MTBP: variants seen among roughly 807,000 people sequenced by gnomAD.
MTBP encodes MDM2 binding protein, also known as mdm2-binding protein.
In MTBP, 101 loss-of-function variants were observed where a neutral mutation model predicts 117.0. The ratio of observed to expected loss-of-function variants is 0.86; its 90% confidence interval spans 0.73 to 1.02. MTBP has a LOEUF of 1.02. MTBP is among the 50% of genes least tolerant of loss of function. The pLI is 0.00. For synonymous variants in MTBP, 350 were observed against 351.5 expected (o/e 1.00, Z 0.05); for missense variants, 970 against 1,030.9 (o/e 0.94, Z 0.81).
At chr8:120,450,952 C>A (rs1259198429) in intron 2 of MTBP, 51 bp from the exon 3 acceptor site, 1 of 1,315,842 alleles carries the variant, frequency 7.6e-7, no homozygotes, top group Admixed American at 1.9e-5. Context: ...GCTGTGTCAT[C>A]TGCTTATTTA....
intron 10 of MTBP, 130 bp from the exon 11 acceptor site, chr8:120,470,690 G>T: frequency 1.7e-6 from 1 of 604,516 alleles, no homozygotes; most frequent in Non-Finnish European, 2.8e-6. Flanking sequence ...TTTTATAGTG[G>T]AGTTTTTGGG....
chr8:120,495,981 C>T (rs1814445859), intron 13 of MTBP, among the ~76,000 whole-genome samples: 3 of 151,938 alleles, frequency 2.0e-5, no homozygotes, highest in Admixed American at 2.0e-4. Flanking sequence ...ACATTTGAAC[C>T]AACTGAAAAA....
chr8:120,479,811 CAT>C lies in MTBP; in HGVS notation c.1166-8346_1166-8345del, dbSNP rs536742657. On this transcript the variant is annotated intron_variant, in intron 11 of 21. Transcript: ENST00000305949. ...TAACTGAATGAAAATAAAAACAAAA[CAT>C]AAAATGAATGGAACACAGCTAAAGC... Among the ~76,000 whole-genome samples, 827 of 152,068 alleles carry C rather than the reference CAT, an allele frequency of 5.4e-3. 6 individuals carry two copies. Among genetic ancestry groups the C allele is most frequent in the Non-Finnish European group, 6.9e-3 (472 of 67,948 alleles).
At chr8:120,491,090 A>G (rs1477174084) in intron 13 of MTBP, among the ~76,000 whole-genome samples, 1 of 151,904 alleles carries the variant, frequency 6.6e-6, no homozygotes, top group African/African-American at 2.4e-5. Context: ...ATAATTTCAC[A>G]TTTTTTCTCT....
chr8:120,490,427 C>A, intron 12 of MTBP, 36 bp from the exon 13 acceptor site: 1 of 1,340,664 alleles, frequency 7.5e-7, no homozygotes. Context: ...CAAAGGGCAT[C>A]ATTAATGTTG....
chr8:120,515,909 C>T lies in MTBP; in HGVS notation c.1980-16C>T, dbSNP rs751590472. ...TCATGGAGGTTTACATTTTAATGCT[C>T]TTTCACTCATTTTAGATATTGCTTG... On this transcript the variant is annotated splice_polypyrimidine_tract_variant and intron_variant, in intron 17 of 21. Transcript: ENST00000305949. The T allele has an allele frequency of 1.9e-6, 3 of 1,608,708 alleles. No individual in the cohort carries two copies. Among genetic ancestry groups the T allele is most frequent in the Admixed American group, 3.4e-5 (2 of 59,604 alleles).
chr8:120,496,416 C>G (rs1018196488), intron 13 of MTBP, among the ~76,000 whole-genome samples: 5 of 152,280 alleles, frequency 3.3e-5, no homozygotes, highest in Non-Finnish European at 7.4e-5. Flanking sequence ...ATGCTTACTT[C>G]TAAAGTAATA....
intron 10 of MTBP, among the ~76,000 whole-genome samples, chr8:120,464,235 G>T (rs1201862180): frequency 1.3e-5 from 2 of 151,748 alleles, no homozygotes; most frequent in African/African-American, 4.8e-5. Context: ...GAGATTTATG[G>T]CTACTTTAAC....
intron 13 of MTBP, among the ~76,000 whole-genome samples, chr8:120,494,245 C>CAGTACAG (rs1338037062): frequency 6.6e-6 from 1 of 152,190 alleles, no homozygotes; most frequent in African/African-American, 2.4e-5. Flanking sequence ...TCTAAGGACA[C>CAGTACAG]AGTACAGTGC....
Position 120,518,733 on chromosome 8 carries a change from G to C in MTBP, c.2526G>C (p.Leu842=). The part of the protein sequence containing the change: ...RILKEVVTET[L]KKHSITETHE... Reference sequence around the variant, plus strand: ...TGAAAGAAGTAGTTACTGAAACCCTGAAGAAACACAGTATTACCGAGACTC... The same window carrying C: ...TGAAAGAAGTAGTTACTGAAACCCTCAAGAAACACAGTATTACCGAGACTC... The change falls in exon 20 of 22, where the codon CTG becomes CTC. Residue 842 remains leucine, a synonymous_variant. Coordinates refer to ENST00000305949, the MANE Select transcript of MTBP (RefSeq NM_022045.5). The C allele has an allele frequency of 1.9e-6, 3 of 1,610,856 alleles. No individual in the cohort carries two copies. The highest frequency in any genetic ancestry group is 2.5e-6 in the Non-Finnish European group (3 of 1,178,226).
chr8:120,500,407 G>A (rs1814559102), intron 14 of MTBP, among the ~76,000 whole-genome samples: 1 of 151,902 alleles, frequency 6.6e-6, no homozygotes, highest in Non-Finnish European at 1.5e-5. Context: ...ATATTATATT[G>A]TAATATTTAG....
At chr8:120,492,828 T>C (rs1814374866) in intron 13 of MTBP, among the ~76,000 whole-genome samples, 1 of 152,196 alleles carries the variant, frequency 6.6e-6, no homozygotes, top group Non-Finnish European at 1.5e-5. Context: ...TACTATTTAA[T>C]TAGAATGATA....
At chr8:120,464,334 A>G (rs1005385265) in intron 10 of MTBP, among the ~76,000 whole-genome samples, 3 of 152,020 alleles carry the variant, frequency 2.0e-5, no homozygotes, top group African/African-American at 7.2e-5. Flanking sequence ...GGACTCATCT[A>G]TTTGAAATCA....
intron 9 of MTBP, among the ~76,000 whole-genome samples, chr8:120,461,967 A>C (rs1813589944): frequency 6.6e-6 from 1 of 152,206 alleles, no homozygotes; most frequent in Non-Finnish European, 1.5e-5. Flanking sequence ...TGCAGAAAAG[A>C]TAACATATAC....
rs574441594 is a variant in MTBP at position 120,455,657 on chromosome 8, T to C, written c.629+78T>C. 98 of 1,376,588 alleles carry C rather than the reference T, an allele frequency of 7.1e-5. No homozygotes were observed. The East Asian group carries it at 2.3e-3, about 32-fold the overall frequency. The allele number at this position is 1,376,588 out of a possible 1,614,324, so 85.3% of individuals were successfully genotyped here. A position where few individuals can be genotyped will look rare whatever the true frequency, so the allele number is the denominator to read the frequency against. ...TTAACATACTATTCTCTTTTCAGAC[T>C]CAGCGTTTGAAAATTATTTTAATAT... On this transcript the variant is annotated intron_variant, in intron 6 of 21. Transcript: ENST00000305949.
chr8:120,493,810 A>T (rs1410376369), intron 13 of MTBP, among the ~76,000 whole-genome samples: 1 of 152,076 alleles, frequency 6.6e-6, no homozygotes, highest in African/African-American at 2.4e-5. Context: ...TATATTTTTA[A>T]CATTAATAAA....
intron 20 of MTBP, among the ~76,000 whole-genome samples, chr8:120,520,340 T>C (rs1014673872): frequency 6.6e-6 from 1 of 152,004 alleles, no homozygotes; most frequent in African/African-American, 2.4e-5. Flanking sequence ...GGCTGAACAG[T>C]TGAGATGAAA....
In MTBP at chr8:120,445,587, G is replaced by A. The variant is rs139020985; in HGVS notation, c.117G>A (p.Pro39=). Residue 39 remains proline, a splice_region_variant and synonymous_variant, in exon 1 of 22, where the codon CCG becomes CCA. Coordinates refer to ENST00000305949, the MANE Select transcript of MTBP (RefSeq NM_022045.5). ...CGGGTGAGGGTACTGAGAATCAGCCGGGTAAGCGCTGGGATGAGAAAGAGC... is the reference window on the plus strand; with the variant it reads ...CGGGTGAGGGTACTGAGAATCAGCCAGGTAAGCGCTGGGATGAGAAAGAGC... The part of the protein sequence containing the change: ...VSSGEGTENQ[P]DFTAANVYHL... 32 of 1,604,072 alleles carry A rather than the reference G, an allele frequency of 2.0e-5. No homozygotes were observed. Among genetic ancestry groups the A allele is most frequent in the Non-Finnish European group, 2.7e-5 (32 of 1,175,918 alleles).
intron 14 of MTBP, among the ~76,000 whole-genome samples, chr8:120,499,259 T>C (rs1057130736): frequency 7.9e-5 from 12 of 152,194 alleles, no homozygotes; most frequent in African/African-American, 2.9e-4. Context: ...TGCCTGGAAT[T>C]CTTTTCTTCC....
Sources: gnomAD v4.1 joint callset for allele counts (sites outside exome capture counted in the v4.1 genomes callset) on GRCh38, gnomAD v4.1.1 for gene constraint, MANE v1.5 for transcripts, NCBI Gene and HGNC (gene_info 2026-07-23, HGNC 2026-07-21) for gene names.